TPO: variants seen among roughly 807,000 people sequenced by gnomAD.
TPO encodes the protein thyroid microsomal antigen.
A neutral mutation model predicts 96.9 loss-of-function variants in TPO; 78 were observed. The ratio of observed to expected loss-of-function variants is 0.81; its 90% CI spans 0.67 to 0.97. The LOEUF is 0.97. Among genes scored for constraint, TPO ranks in the 50% least tolerant of loss-of-function variants. The probability of loss-of-function intolerance (pLI) is 0.00; values close to 1 mark genes in which losing one functional copy is unlikely to be tolerated. For missense variants in TPO, 1,252 were observed against 1,274.8 expected, an observed-to-expected ratio of 0.98 and a Z score of 0.27; for synonymous variants, 547 against 538.0, an observed-to-expected ratio of 1.02 and a Z score of -0.23.
chr2:1,518,831 T>C (rs1304338958), intron 15 of TPO, among the ~76,000 whole-genome samples: 1 of 152,236 alleles, frequency 6.6e-6, no homozygotes. Context: ...GCTTGAACTG[T>C]GCATTGCCCA....
At chr2:1,395,924 A>G (rs186162805) in intron 1 of TPO, among the ~76,000 whole-genome samples, 13 of 152,296 alleles carry the variant, frequency 8.5e-5, no homozygotes, top group East Asian at 3.9e-4. Flanking sequence ...AGCCATGTGG[A>G]ACTGTGAGTC....
Position 1,436,355 on chromosome 2 carries a change from C to T in TPO, c.453C>T (p.Tyr151=), listed in dbSNP as rs757712770. The T allele has an allele frequency of 4.3e-6, 7 of 1,614,080 alleles. No individual in the cohort carries two copies. Among genetic ancestry groups the T allele is most frequent in the African/African-American group, 2.7e-5 (2 of 74,920 alleles). Residue 151 remains tyrosine, a synonymous_variant, in exon 5 of 17, where the codon TAC becomes TAT. Coordinates refer to ENST00000329066, the MANE Select transcript of TPO (RefSeq NM_001206744.2). ...KCPNTCLANK[Y]RPITGACNNR... ...CAAACACTTGCCTGGCGAACAAATA[C>T]AGGCCCATCACAGGAGCTTGCAACA...
At chr2:1,526,123 T>C (rs1676433125) in intron 15 of TPO, among the ~76,000 whole-genome samples, 3 of 53,352 alleles carry the variant, frequency 5.6e-5, no homozygotes, top group East Asian at 1.2e-3. Context: ...CCCGACTCTG[T>C]GCAACCTCCC....
chr2:1,440,111 G>T (rs111844030), intron 5 of TPO, among the ~76,000 whole-genome samples: 1 of 151,608 alleles, frequency 6.6e-6, no homozygotes, highest in Non-Finnish European at 1.5e-5. Flanking sequence ...ACTGTGCTGC[G>T]TTTCCAATGT....
At chr2:1,390,880 TG>T (rs1661989419) in intron 1 of TPO, among the ~76,000 whole-genome samples, 1 of 152,222 alleles carries the variant, frequency 6.6e-6, no homozygotes, top group Admixed American at 6.5e-5. Flanking sequence ...TTGATGGGGT[TG>T]TTTTTTTCTT....
At chr2:1,535,450 TGTGCAACCTCCCCAAATCAGCCCCACTCC>T (rs1245030369) in intron 15 of TPO, among the ~76,000 whole-genome samples, 7 of 59,616 alleles carry the variant, frequency 1.2e-4, no homozygotes, top group East Asian at 6.5e-4. Flanking sequence ...CCCCCCACTC[TGTGCAACCTCCCCAAATCAGCCCCACTCC>T]GTGCAACCTC....
intron 15 of TPO, among the ~76,000 whole-genome samples, chr2:1,524,166 G>C (rs1249997740): frequency 8.5e-6 from 1 of 117,928 alleles, no homozygotes; most frequent in Admixed American, 1.1e-4. Context: ...CCCCCAAACT[G>C]TGTGCAACCT....
At chr2:1,478,826 G>A (rs995963653) in intron 8 of TPO, among the ~76,000 whole-genome samples, 2 of 151,292 alleles carry the variant, frequency 1.3e-5, no homozygotes, top group Admixed American at 6.6e-5. Context: ...CACGGCAGAC[G>A]GGCTCACTGT....
At chr2:1,445,217 A>C (rs1350127962) in intron 5 of TPO, among the ~76,000 whole-genome samples, 1 of 130,596 alleles carries the variant, frequency 7.7e-6, no homozygotes, top group Non-Finnish European at 1.6e-5. Flanking sequence ...TGCAGGAGTC[A>C]CCATGTTGGA....
chr2:1,384,812 A>G (rs556913377), intron 1 of TPO, among the ~76,000 whole-genome samples: 39 of 152,236 alleles, frequency 2.6e-4, no homozygotes, highest in African/African-American at 8.2e-4. Flanking sequence ...GAATGCTTCC[A>G]GTTTTTGCCC....
At position 1,542,495 on chromosome 2, in the gene TPO, G is replaced by GCAGAA. The variant is rs755418219; in HGVS notation, c.*25_*29dup. On this transcript the variant is annotated 3_prime_UTR_variant, in exon 17 of 17. Transcript: ENST00000329066. ...TCTGAGGGCAAAGTGGCAGGACACT[G>GCAGAA]CAGAACAGCTTCATGTTCCCAAAAT... 13 of 1,614,030 alleles carry GCAGAA rather than the reference G, an allele frequency of 8.1e-6. No homozygotes were observed. In the South Asian group the frequency reaches 1.3e-4, roughly 16 times the overall value.
At chr2:1,522,209 C>CT (rs1220284605) in intron 15 of TPO, among the ~76,000 whole-genome samples, 1 of 142,190 alleles carries the variant, frequency 7.0e-6, no homozygotes, top group Non-Finnish European at 1.5e-5. Context: ...CACACCGGCC[C>CT]GCCACCGTGC....
chr2:1,508,936 T>C (rs1342082578), intron 14 of TPO, among the ~76,000 whole-genome samples: 1 of 152,214 alleles, frequency 6.6e-6, no homozygotes, highest in Non-Finnish European at 1.5e-5. Flanking sequence ...AGCTTTTGAA[T>C]GTGTTTGCTC....
At chr2:1,537,974 A>G (rs1440145133) in intron 15 of TPO, among the ~76,000 whole-genome samples, 1 of 68,104 alleles carries the variant, frequency 1.5e-5, no homozygotes, top group Non-Finnish European at 2.6e-5. Context: ...CAACCTTCTC[A>G]AATCCCCCCA....
At chr2:1,517,120 A>AT in intron 15 of TPO, 138 bp downstream of exon 15, 1 of 864,892 alleles carries the variant, frequency 1.2e-6, no homozygotes, top group South Asian at 1.4e-5. Flanking sequence ...TCTCAGAGCT[A>AT]TTTTGTACAA....
At chr2:1,385,525 C>T (rs577670406) in intron 1 of TPO, among the ~76,000 whole-genome samples, 8 of 151,836 alleles carry the variant, frequency 5.3e-5, no homozygotes, top group Non-Finnish European at 7.4e-5. Flanking sequence ...CTCTGATGGT[C>T]GTTTGTATTT....
At chr2:1,508,595 C>T (rs1047454708) in intron 14 of TPO, among the ~76,000 whole-genome samples, 3 of 152,150 alleles carry the variant, frequency 2.0e-5, no homozygotes, top group African/African-American at 7.2e-5. Flanking sequence ...GATTCAACTT[C>T]TTCCTGGTTT....
intron 15 of TPO, among the ~76,000 whole-genome samples, chr2:1,526,902 G>A (rs1294710125): frequency 7.7e-6 from 1 of 130,408 alleles, no homozygotes; most frequent in Non-Finnish European, 1.6e-5. Flanking sequence ...ATCCCCCGGT[G>A]TGTGCAACCT....
At chr2:1,496,315 T>C (rs187763596) in intron 12 of TPO, 118 bp downstream of exon 12, 3 of 865,910 alleles carry the variant, frequency 3.5e-6, no homozygotes, top group Admixed American at 2.3e-5. Context: ...GTCAACGCCC[T>C]GCCTTACACC....
Sources: gnomAD v4.1 joint callset for allele counts (sites outside exome capture counted in the v4.1 genomes callset) on GRCh38, gnomAD v4.1.1 for gene constraint, MANE v1.5 for transcripts, NCBI Gene and HGNC (gene_info 2026-07-23, HGNC 2026-07-21) for gene names.